Variants in NLGN1 observed in about 807,000 individuals in gnomAD.
NLGN1 encodes neuroligin 1, also known as neuroligin-1.
A neutral mutation model predicts 65.5 loss-of-function variants in NLGN1; 12 were observed. That is an observed-to-expected ratio of 0.18 (90% confidence interval 0.12 to 0.30). The LOEUF (loss-of-function observed/expected upper bound fraction) is 0.30. Ranked by LOEUF, NLGN1 falls within the 10% of genes least tolerant of loss-of-function variation. The pLI, the probability that NLGN1 is intolerant of heterozygous loss-of-function variation, is 1.00. For missense variants in NLGN1, 750 were observed against 1,007.1 expected (o/e 0.74, Z 3.46); for synonymous variants, 350 against 359.5 (o/e 0.97, Z 0.30).
chr3:173,677,833 C>A (rs1763384539), intron 3 of NLGN1, among the ~76,000 whole-genome samples: 1 of 152,088 alleles, frequency 6.6e-6, no homozygotes, highest in Admixed American at 6.6e-5. Context: ...GTACAGCAAT[C>A]AAATCTTGGA....
intron 4 of NLGN1, among the ~76,000 whole-genome samples, chr3:173,821,741 A>G (rs573866914): frequency 3.3e-5 from 5 of 152,278 alleles, no homozygotes; most frequent in African/African-American, 1.2e-4. Context: ...CCTGATTCCA[A>G]GTTGATCTGC....
At position 174,083,801 on chromosome 3, in the gene NLGN1, TA is replaced by T. The variant is rs59402160; in HGVS notation, c.647-191504del. ...ATAACCACAGCAAACAAGGAACAGGTAAAAAAAAAATGGTGGCCATTGGAAA... is the reference window on the plus strand; with the variant it reads ...ATAACCACAGCAAACAAGGAACAGGTAAAAAAAAATGGTGGCCATTGGAAA... On this transcript the variant is annotated intron_variant, in intron 4 of 6. Transcript: ENST00000457714. Among the ~76,000 whole-genome samples the T allele has an allele frequency of 1.8e-3, 265 of 145,190 alleles. 2 individuals are homozygous for T. Among genetic ancestry groups the T allele is most frequent in the South Asian group, 7.8e-3 (36 of 4,638 alleles).
At chr3:173,773,839 G>A (rs970304313) in intron 3 of NLGN1, among the ~76,000 whole-genome samples, 1 of 152,190 alleles carries the variant, frequency 6.6e-6, no homozygotes, top group African/African-American at 2.4e-5. Context: ...ATGTGACAGA[G>A]TGACTGAGGT....
intron 4 of NLGN1, among the ~76,000 whole-genome samples, chr3:174,134,012 T>A (rs1720730687): frequency 6.6e-6 from 1 of 152,052 alleles, no homozygotes; most frequent in South Asian, 2.1e-4. Flanking sequence ...AAGCCACTGC[T>A]AATAAGATTT....
chr3:173,786,533 T>C (rs1043297258), intron 3 of NLGN1, among the ~76,000 whole-genome samples: 1 of 151,338 alleles, frequency 6.6e-6, no homozygotes, highest in Non-Finnish European at 1.5e-5. Context: ...AGTGAACCCA[T>C]GTATCATATG....
intron 3 of NLGN1, among the ~76,000 whole-genome samples, chr3:173,782,691 C>CTTT (rs5854538): frequency 2.8e-5 from 4 of 144,678 alleles, no homozygotes; most frequent in Non-Finnish European, 6.0e-5. Context: ...CAAAGCTTAC[C>CTTT]TTTTTTTTTT....
rs183532053 is a variant in NLGN1, at chr3:173,783,126, G to A, written c.494-24554G>A. On this transcript the variant is annotated intron_variant, in intron 3 of 6. Coordinates refer to ENST00000457714, the Ensembl canonical transcript of NLGN1. ...CAAAGAGTGGTTACCATAGGATTGGGGATGAGAGGTAGGAACAGGGAAGCT... is the reference window on the plus strand; with the variant it reads ...CAAAGAGTGGTTACCATAGGATTGGAGATGAGAGGTAGGAACAGGGAAGCT... Among the ~76,000 whole-genome samples, 32 of 152,246 alleles carry A rather than the reference G, an allele frequency of 2.1e-4. 1 individual carries two copies. Among genetic ancestry groups the A allele is most frequent in the Admixed American group, 1.4e-3 (21 of 15,286 alleles).
intron 3 of NLGN1, among the ~76,000 whole-genome samples, chr3:173,669,417 C>T (rs1462428558): frequency 6.6e-6 from 1 of 152,152 alleles, no homozygotes; most frequent in Non-Finnish European, 1.5e-5. Flanking sequence ...AGATCTGTTC[C>T]CGTCTCTCCG....
chr3:174,022,793 A>G (rs879639007), intron 4 of NLGN1, among the ~76,000 whole-genome samples: 5 of 152,026 alleles, frequency 3.3e-5, no homozygotes, highest in Non-Finnish European at 5.9e-5. Flanking sequence ...TTGAATCTGC[A>G]GTTACTGACT....
At chr3:173,977,666 G>A (rs1449779734) in intron 4 of NLGN1, among the ~76,000 whole-genome samples, 3 of 151,932 alleles carry the variant, frequency 2.0e-5, no homozygotes, top group Admixed American at 2.0e-4. Context: ...AATGGACAAA[G>A]CACAAACTCT....
intron 4 of NLGN1, among the ~76,000 whole-genome samples, chr3:174,183,468 T>C (rs569061158): frequency 6.6e-6 from 1 of 152,274 alleles, no homozygotes; most frequent in South Asian, 2.1e-4. Context: ...CCGAACTAGC[T>C]ATTTACTCAA....
chr3:173,754,524 A>G (rs78211659), intron 3 of NLGN1, among the ~76,000 whole-genome samples: 2,023 of 152,196 alleles, frequency 0.013, 36 homozygotes, highest in African/African-American at 0.047. Context: ...TGTATTATCA[A>G]TATCTCTACT....
chr3:174,270,484 A>ATATT (rs1749199952), intron 4 of NLGN1, among the ~76,000 whole-genome samples: 1 of 151,848 alleles, frequency 6.6e-6, no homozygotes, highest in African/African-American at 2.4e-5. Flanking sequence ...TAAATACATT[A>ATATT]TATTTTAAAC....
intron 3 of NLGN1, among the ~76,000 whole-genome samples, chr3:173,666,082 T>A (rs1458942109): frequency 6.6e-6 from 1 of 152,192 alleles, no homozygotes; most frequent in African/African-American, 2.4e-5. Flanking sequence ...TAAATTGTGA[T>A]ATACTTGGAG....
At chr3:173,648,948 T>A (rs73046480) in intron 3 of NLGN1, among the ~76,000 whole-genome samples, 1,904 of 152,228 alleles carry the variant, frequency 0.013, 43 homozygotes, top group African/African-American at 0.043. Context: ...TATTAAAAAA[T>A]TTGTGCATGA....
chr3:173,913,841 C>A (rs1740161236), intron 4 of NLGN1, among the ~76,000 whole-genome samples: 1 of 152,104 alleles, frequency 6.6e-6, no homozygotes, highest in Non-Finnish European at 1.5e-5. Flanking sequence ...GAAAAACATA[C>A]ACTAAAAAAG....
intron 3 of NLGN1, among the ~76,000 whole-genome samples, chr3:173,671,497 T>C (rs946074279): frequency 6.6e-5 from 10 of 152,130 alleles, no homozygotes; most frequent in African/African-American, 2.4e-4. Flanking sequence ...TGAATCATTT[T>C]ACCTTAACAT....
intron 3 of NLGN1, among the ~76,000 whole-genome samples, chr3:173,686,171 CTG>C (rs1237360109): frequency 6.6e-6 from 1 of 151,748 alleles, no homozygotes; most frequent in Non-Finnish European, 1.5e-5. Flanking sequence ...ATTGAGATAA[CTG>C]TGAAAGTGGA....
At chr3:173,459,583 G>A (rs1217031523) in intron 2 of NLGN1, among the ~76,000 whole-genome samples, 2 of 152,060 alleles carry the variant, frequency 1.3e-5, no homozygotes, top group African/African-American at 4.8e-5. Context: ...TAGAAAACAA[G>A]ATCATGAGAA....
Sources: gnomAD v4.1 joint callset for allele counts (sites outside exome capture counted in the v4.1 genomes callset) on GRCh38, gnomAD v4.1.1 for gene constraint, MANE v1.5 for transcripts, NCBI Gene and HGNC (gene_info 2026-07-23, HGNC 2026-07-21) for gene names.